TPD52L1: variants seen among roughly 807,000 people sequenced by gnomAD.
TPD52L1 encodes tumor protein D53.
Under a neutral mutation model 28.7 loss-of-function variants are expected in TPD52L1, and 18 were observed. The observed-to-expected ratio is 0.63, with a 90% confidence interval of 0.43 to 0.93. The LOEUF (loss-of-function observed/expected upper bound fraction) is 0.93, where lower values mean the gene tolerates loss of function less well. Ranked by LOEUF, TPD52L1 falls within the 40% of genes least tolerant of loss-of-function variation. The probability of loss-of-function intolerance (pLI) is 0.00; values close to 1 mark genes in which losing one functional copy is unlikely to be tolerated. For synonymous variants in TPD52L1, 75 were observed against 88.8 expected (o/e 0.84, Z 0.88); for missense variants, 203 against 254.8 (o/e 0.80, Z 1.39).
intron 1 of TPD52L1, among the ~76,000 whole-genome samples, chr6:125,201,120 A>C (rs1291876719): frequency 6.6e-6 from 1 of 152,198 alleles, no homozygotes; most frequent in Non-Finnish European, 1.5e-5. Flanking sequence ...TAGCAAAGCA[A>C]GGTACCAAAG....
rs1048161847 is a variant in TPD52L1 at position 125,245,371 on chromosome 6, G to A, written c.285-2911G>A. Among the ~76,000 whole-genome samples the A allele has an allele frequency of 2.6e-5, 4 of 152,280 alleles. 1 individual carries two copies. ...GCCAGGAGGTGGTGTTTTCAAGAAG[G>A]CACCAGCTGCAGTAGTAACAGTGGG... On this transcript the variant is annotated intron_variant, in intron 3 of 6. Coordinates refer to ENST00000534000, the MANE Select transcript of TPD52L1 (RefSeq NM_003287.4).
chr6:125,220,405 T>G (rs1241904947), intron 2 of TPD52L1, among the ~76,000 whole-genome samples: 1 of 152,376 alleles, frequency 6.6e-6, no homozygotes, highest in East Asian at 1.9e-4. Flanking sequence ...GTAGAATGAA[T>G]CATTGTGCTG....
intron 4 of TPD52L1, chr6:125,251,940 C>A (rs1487579864): frequency 2.8e-6 from 4 of 1,438,168 alleles, no homozygotes; most frequent in Non-Finnish European, 3.8e-6. Context: ...GAAAGGGGAC[C>A]ACCAAGGGCA....
chr6:125,172,537 T>TATATATATA (rs1791520931), intron 1 of TPD52L1, among the ~76,000 whole-genome samples: 1 of 88,882 alleles, frequency 1.1e-5, no homozygotes, highest in African/African-American at 5.0e-5. Flanking sequence ...TATATATATA[T>TATATATATA]ATATATATAT....
At chr6:125,209,086 C>T (rs1395067427) in intron 1 of TPD52L1, among the ~76,000 whole-genome samples, 3 of 152,218 alleles carry the variant, frequency 2.0e-5, no homozygotes, top group Non-Finnish European at 2.9e-5. Flanking sequence ...GGCCGCCCAA[C>T]TTGTTTTAGA....
At chr6:125,154,318 G>C (rs902987409) in intron 1 of TPD52L1, 3 of 1,112,672 alleles carry the variant, frequency 2.7e-6, no homozygotes, top group Non-Finnish European at 3.3e-6. Flanking sequence ...AGCGTGTTTC[G>C]CTCCCTTTCC....
intron 1 of TPD52L1, among the ~76,000 whole-genome samples, chr6:125,168,768 G>A (rs912142980): frequency 2.6e-5 from 4 of 152,076 alleles, no homozygotes; most frequent in East Asian, 3.9e-4. Flanking sequence ...CGCCCACCTC[G>A]GCCTCCTAAA....
At chr6:125,154,582 C>G in intron 1 of TPD52L1, 1 of 971,600 alleles carries the variant, frequency 1.0e-6, no homozygotes. Context: ...TCCCGTGGCG[C>G]GCGGGGCCCC....
intron 1 of TPD52L1, among the ~76,000 whole-genome samples, chr6:125,215,605 T>A (rs1171270654): frequency 6.6e-6 from 1 of 152,194 alleles, no homozygotes; most frequent in African/African-American, 2.4e-5. Flanking sequence ...AGATTCGTGA[T>A]GTCTCTGAGG....
intron 1 of TPD52L1, among the ~76,000 whole-genome samples, chr6:125,172,094 CTTT>C (rs1562209545): frequency 2.0e-4 from 22 of 109,988 alleles, no homozygotes; most frequent in South Asian, 1.5e-3. Flanking sequence ...TTCTTTCTTT[CTTT>C]CCCTTTCTTT....
chr6:125,193,294 A>C (rs371892780), intron 1 of TPD52L1, among the ~76,000 whole-genome samples: 25 of 152,046 alleles, frequency 1.6e-4, no homozygotes, highest in Admixed American at 6.5e-4. Flanking sequence ...CAAACTGCTT[A>C]TGTTTATGTT....
intron 1 of TPD52L1, chr6:125,208,838 CACTCCCAGGGAG>C (rs1794328725): frequency 1.1e-6 from 1 of 877,324 alleles, no homozygotes; most frequent in Non-Finnish European, 1.4e-6. Flanking sequence ...GTGGTGACAG[CACTCCCAGGGAG>C]AGTCTGGGTC....
intron 1 of TPD52L1, among the ~76,000 whole-genome samples, chr6:125,168,071 T>C (rs1402473083): frequency 1.3e-5 from 2 of 152,206 alleles, no homozygotes; most frequent in African/African-American, 4.8e-5. Flanking sequence ...GTTTATCACT[T>C]ACTATCTCAA....
At chr6:125,242,827 A>G (rs1796693082) in intron 3 of TPD52L1, among the ~76,000 whole-genome samples, 1 of 152,110 alleles carries the variant, frequency 6.6e-6, no homozygotes, top group Non-Finnish European at 1.5e-5. Context: ...TGTTCTATTC[A>G]TTATGCTAGT....
At position 125,153,815 on chromosome 6, in the gene TPD52L1, G is replaced by C. The variant is rs1448267195; in HGVS notation, c.-137G>C. On this transcript the variant is annotated 5_prime_UTR_variant, in exon 1 of 7. Coordinates refer to ENST00000534000, the MANE Select transcript of TPD52L1 (RefSeq NM_003287.4). The stretch of plus-strand genomic sequence containing the variant: ...GCTGCCTGCGTCCCCAACCCCCTCC[G>C]CGCAGCGCTCGCGACACGCGTGCCA... 1 of 1,023,972 alleles carries C rather than the reference G, an allele frequency of 9.8e-7. No individual in the cohort carries two copies. Among genetic ancestry groups the C allele is most frequent in the Admixed American group, 3.0e-5 (1 of 33,534 alleles). The allele number at this position is 1,023,972 out of a possible 1,614,324, so 63.4% of individuals were successfully genotyped here.
Position 125,217,616 on chromosome 6 carries a change from C to T in TPD52L1, c.20-2462C>T, listed in dbSNP as rs180965822. ...TTGCCAGCTCGCACACCTCTCACCT[C>T]CCGTGGTGTGATCTGGTTCCTAACA... is the stretch of plus-strand genomic sequence containing the variant. On this transcript the variant is annotated intron_variant, in intron 1 of 6. Transcript: ENST00000534000. Among the ~76,000 whole-genome samples the T allele has an allele frequency of 1.5e-3, 221 of 152,246 alleles. 4 individuals carry two copies. Among genetic ancestry groups the T allele is most frequent in the African/African-American group, 5.1e-3 (213 of 41,534 alleles).
In TPD52L1 at chr6:125,253,766, T is replaced by C. The variant is rs752090003; in HGVS notation, c.425+11T>C. The C allele has an allele frequency of 1.2e-6, 2 of 1,601,246 alleles. No homozygotes were observed. Among genetic ancestry groups the C allele is most frequent in the Non-Finnish European group, 8.6e-7 (1 of 1,169,068 alleles). ...TATGCCTGCTATGAGGTAATGTGTGTAAAATATTTTATGTAATATTAATAT... is the reference window on the plus strand; with the variant it reads ...TATGCCTGCTATGAGGTAATGTGTGCAAAATATTTTATGTAATATTAATAT... On this transcript the variant is annotated intron_variant, in intron 5 of 6. Coordinates refer to ENST00000534000, the MANE Select transcript of TPD52L1 (RefSeq NM_003287.4).
At chr6:125,255,876 A>G (rs186929875) in intron 5 of TPD52L1, among the ~76,000 whole-genome samples, 177 of 152,268 alleles carry the variant, frequency 1.2e-3, no homozygotes, top group African/African-American at 4.0e-3. Flanking sequence ...CACTTAGTTC[A>G]GTTCCTGTTT....
intron 1 of TPD52L1, chr6:125,209,069 T>G: frequency 3.7e-6 from 2 of 542,392 alleles, no homozygotes; most frequent in Non-Finnish European, 4.7e-6. Context: ...CCTTGATCTC[T>G]GATACTGGCC....
Sources: gnomAD v4.1 joint callset for allele counts (sites outside exome capture counted in the v4.1 genomes callset) on GRCh38, gnomAD v4.1.1 for gene constraint, MANE v1.5 for transcripts, NCBI Gene and HGNC (gene_info 2026-07-23, HGNC 2026-07-21) for gene names.